Variants in FRY observed in about 807,000 individuals in gnomAD.
FRY encodes the protein protein furry homolog.
In FRY, 128 loss-of-function variants were observed where a neutral mutation model predicts 348.4. That is an observed-to-expected ratio of 0.37 (90% confidence interval 0.32 to 0.43). The LOEUF is 0.43. Ranked by LOEUF, FRY falls within the 20% of genes least tolerant of loss-of-function variation. The pLI is 1.00. For synonymous variants in FRY, 1,370 were observed against 1,374.7 expected (o/e 1.00, Z 0.08); for missense variants, 2,736 against 3,695.2 (o/e 0.74, Z 6.73).
intron 58 of FRY, among the ~76,000 whole-genome samples, chr13:32,286,211 A>T (rs1027893225): frequency 3.3e-5 from 5 of 152,216 alleles, no homozygotes; most frequent in Admixed American, 1.3e-4. Context: ...TTTCAAGTAC[A>T]ATACACTAAA....
chr13:32,094,480 C>G (rs1448201770), intron 2 of FRY, among the ~76,000 whole-genome samples: 1 of 151,568 alleles, frequency 6.6e-6, no homozygotes, highest in Non-Finnish European at 1.5e-5. Flanking sequence ...TTTTTTTTTA[C>G]CCATTAACTA....
chr13:32,184,554 A>G (rs1425848524), intron 24 of FRY, 46 bp from the exon 25 acceptor site: 2 of 1,143,654 alleles, frequency 1.7e-6, no homozygotes, highest in African/African-American at 1.5e-5. Flanking sequence ...CAAAGTTAAT[A>G]TTGTTTTGCC....
chr13:32,188,510 G>A (rs1047297090), intron 28 of FRY, among the ~76,000 whole-genome samples: 1 of 152,028 alleles, frequency 6.6e-6, no homozygotes, highest in Non-Finnish European at 1.5e-5. Flanking sequence ...AGGACTTTCT[G>A]GTAAAGTTCT....
intron 16 of FRY, among the ~76,000 whole-genome samples, chr13:32,160,151 G>T (rs542305569): frequency 6.6e-6 from 1 of 152,272 alleles, no homozygotes; most frequent in Non-Finnish European, 1.5e-5. Flanking sequence ...AGATTACACA[G>T]AGGATTGATT....
At chr13:32,053,303 T>C (rs1379454200) in intron 1 of FRY, among the ~76,000 whole-genome samples, 2 of 152,178 alleles carry the variant, frequency 1.3e-5, no homozygotes, top group East Asian at 1.9e-4. Flanking sequence ...GACTGGATTT[T>C]ATTTTGGGAG....
At chr13:32,101,206 T>TTGTGCAGTATTTGTCTTTC in intron 2 of FRY, among the ~76,000 whole-genome samples, 1 of 152,172 alleles carries the variant, frequency 6.6e-6, no homozygotes, top group East Asian at 1.9e-4. Context: ...TTATGTGAGA[T>TTGTGCAGTATTTGTCTTTC]TGTGCAGTAT....
intron 3 of FRY, among the ~76,000 whole-genome samples, chr13:32,111,072 G>A (rs1368763551): frequency 6.6e-6 from 1 of 152,154 alleles, no homozygotes; most frequent in Non-Finnish European, 1.5e-5. Flanking sequence ...ATTTGCTCAG[G>A]AGACTTCAAG....
chr13:32,186,565 G>A, intron 27 of FRY, 145 bp downstream of exon 27: 1 of 670,850 alleles, frequency 1.5e-6, no homozygotes. Context: ...AAAATCACAT[G>A]GACACACACG....
intron 33 of FRY, among the ~76,000 whole-genome samples, chr13:32,210,297 G>T (rs1566135662): frequency 6.6e-6 from 1 of 152,184 alleles, no homozygotes; most frequent in Non-Finnish European, 1.5e-5. Flanking sequence ...TTCTGTGCTG[G>T]TTGTTTTTGT....
At chr13:32,218,135 A>G (rs1367318088) in intron 35 of FRY, among the ~76,000 whole-genome samples, 5 of 152,200 alleles carry the variant, frequency 3.3e-5, no homozygotes, top group African/African-American at 9.6e-5. Context: ...TAAGGGAATC[A>G]TGTTATTCAG....
chr13:32,096,589 G>A (rs574927003), intron 2 of FRY, among the ~76,000 whole-genome samples: 68 of 152,098 alleles, frequency 4.5e-4, no homozygotes, highest in South Asian at 2.7e-3. Flanking sequence ...TCAGGGGTTT[G>A]AGACCAGCCA....
chr13:32,173,258 A>G (rs747047830), intron 18 of FRY, 109 bp from the exon 19 acceptor site: 1 of 771,832 alleles, frequency 1.3e-6, no homozygotes, highest in Non-Finnish European at 2.3e-6. Context: ...ATGGTCATTT[A>G]TTTTAATATT....
intron 2 of FRY, among the ~76,000 whole-genome samples, chr13:32,092,700 A>T (rs762256899): frequency 3.5e-4 from 54 of 152,156 alleles, no homozygotes; most frequent in Non-Finnish European, 7.4e-4. Flanking sequence ...TCAGAGGGAG[A>T]AAACTCAAAG....
intron 1 of FRY, among the ~76,000 whole-genome samples, chr13:32,072,645 T>C (rs1874742039): frequency 6.6e-6 from 1 of 152,230 alleles, no homozygotes; most frequent in Non-Finnish European, 1.5e-5. Flanking sequence ...TATTGCTCTA[T>C]ACACAGAGTG....
At chr13:32,118,763 AT>A (rs992971599) in intron 4 of FRY, among the ~76,000 whole-genome samples, 2 of 152,240 alleles carry the variant, frequency 1.3e-5, no homozygotes, top group African/African-American at 4.8e-5. Context: ...CCTCATGAAT[AT>A]TTTTTTAATT....
rs2072109422 is a variant in FRY, at chr13:32,299,115, T to G, written c.*3655T>G. The stretch of plus-strand genomic sequence containing the variant: ...ATGTTTTACCACAATAAAAATAATT[T>G]TTTTAAAGGATCATTCTGGCTGCTA... On this transcript the variant is annotated 3_prime_UTR_variant, in exon 61 of 61. Coordinates refer to ENST00000542859, the MANE Select transcript of FRY (RefSeq NM_023037.3). The G allele has an allele frequency of 1.3e-5, 2 of 152,210 alleles. No individual in the cohort carries two copies. The highest frequency in any genetic ancestry group is 4.1e-4 in the South Asian group (2 of 4,834). 9.4% of individuals were successfully genotyped at this position (152,210 alleles called of 1,614,324 possible).
At chr13:32,281,276 G>A (rs1381222319) in intron 58 of FRY, among the ~76,000 whole-genome samples, 1 of 152,156 alleles carries the variant, frequency 6.6e-6, no homozygotes, top group East Asian at 1.9e-4. Flanking sequence ...TGAAATAAGG[G>A]TTTTTCCATT....
At chr13:32,128,737 A>C (rs1341673336) in intron 7 of FRY, among the ~76,000 whole-genome samples, 1 of 152,254 alleles carries the variant, frequency 6.6e-6, no homozygotes, top group Non-Finnish European at 1.5e-5. Flanking sequence ...ATAATCGCTT[A>C]AAATGTAAAA....
At position 32,202,512 on chromosome 13, in the gene FRY, C is replaced by A. The variant is rs757109405; in HGVS notation, c.4003C>A (p.Leu1335Ile). 132 of 1,613,036 alleles carry A rather than the reference C, an allele frequency of 8.2e-5. No individual in the cohort carries two copies. The highest frequency in any genetic ancestry group is 1.0e-4 in the Non-Finnish European group (118 of 1,179,136). ...GGCCAGGATGTACCCTGAGCTCACA[C>A]TCCCCCTCTTCTCAGGTACCAGGCA... The part of the protein sequence containing the change: ...ELARMYPELT[L>I]PLFSEVSQRF... The change falls in exon 31 of 61, where the codon CTC (leucine) becomes ATC (isoleucine). Residue 1335 changes from leucine (L) to isoleucine (I), a missense_variant. Physicochemically the swap from Leu to Ile is conservative, Grantham distance 5. Coordinates refer to ENST00000542859, the MANE Select transcript of FRY (RefSeq NM_023037.3).
Sources: allele counts gnomAD v4.1 joint callset (sites outside exome capture counted in the v4.1 genomes callset), GRCh38; gene constraint gnomAD v4.1.1; transcripts MANE v1.5; gene names NCBI Gene and HGNC (gene_info 2026-07-23, HGNC 2026-07-21).